ADK: variants seen among roughly 807,000 people sequenced by gnomAD.
ADK encodes the protein N6,N6-dimethyladenosine kinase.
A neutral mutation model predicts 44.7 loss-of-function variants in ADK; 24 were observed. That is an observed-to-expected ratio of 0.54 (90% CI 0.39 to 0.76). ADK has a LOEUF of 0.76. Ranked by LOEUF, ADK falls within the 30% of genes least tolerant of loss-of-function variation. The pLI, the probability that ADK is intolerant of heterozygous loss-of-function variation, is 0.00. For synonymous variants in ADK, 128 were observed against 142.6 expected (o/e 0.90, Z 0.73); for missense variants, 321 against 425.1 (o/e 0.76, Z 2.15).
At chr10:74,403,599 G>A (rs1843794972) in intron 6 of ADK, among the ~76,000 whole-genome samples, 2 of 152,148 alleles carry the variant, frequency 1.3e-5, no homozygotes, top group African/African-American at 4.8e-5. Flanking sequence ...CATTGGAAAA[G>A]CGCAGTATTA....
intron 4 of ADK, among the ~76,000 whole-genome samples, chr10:74,338,347 A>G (rs1355253577): frequency 6.6e-6 from 1 of 152,228 alleles, no homozygotes; most frequent in Non-Finnish European, 1.5e-5. Context: ...CACTCTGGAA[A>G]ACAGTTTGGC....
At chr10:74,396,634 C>T (rs1316425126) in intron 5 of ADK, among the ~76,000 whole-genome samples, 1 of 152,148 alleles carries the variant, frequency 6.6e-6, no homozygotes, top group East Asian at 1.9e-4. Context: ...AAGTCAGAAT[C>T]AAATACGTTG....
intron 6 of ADK, among the ~76,000 whole-genome samples, chr10:74,476,058 C>T (rs1049362036): frequency 2.6e-5 from 4 of 152,150 alleles, no homozygotes; most frequent in Non-Finnish European, 4.4e-5. Context: ...GTATCTCTTA[C>T]TCTAATTCAG....
At chr10:74,544,840 G>A (rs1429406128) in intron 7 of ADK, among the ~76,000 whole-genome samples, 1 of 151,962 alleles carries the variant, frequency 6.6e-6, no homozygotes, top group Non-Finnish European at 1.5e-5. Flanking sequence ...CCAGCCTGGG[G>A]ACAGAGTGAG....
chr10:74,544,240 A>G (rs564945079), intron 7 of ADK, among the ~76,000 whole-genome samples: 4 of 152,330 alleles, frequency 2.6e-5, no homozygotes, highest in Admixed American at 2.6e-4. Context: ...ATTGGTGATC[A>G]CTTTCTGACC....
chr10:74,645,884 A>G (rs1854037496), intron 9 of ADK, among the ~76,000 whole-genome samples: 3 of 152,196 alleles, frequency 2.0e-5, no homozygotes, highest in South Asian at 4.1e-4. Flanking sequence ...TATCATATCA[A>G]TTGAGTCAGT....
chr10:74,688,032 C>G (rs915165188), intron 10 of ADK, among the ~76,000 whole-genome samples: 10 of 152,190 alleles, frequency 6.6e-5, no homozygotes, highest in Admixed American at 1.3e-4. Flanking sequence ...TTAAAAAAAT[C>G]TATATGATCT....
chr10:74,233,836 A>G (rs1211479081), intron 3 of ADK, among the ~76,000 whole-genome samples: 1 of 152,234 alleles, frequency 6.6e-6, no homozygotes, highest in Non-Finnish European at 1.5e-5. Context: ...ACAAAAAAGG[A>G]TAATGATCTT....
Position 74,610,751 on chromosome 10 carries a change from A to G in ADK, c.877+10258A>G, listed in dbSNP as rs185123434. On this transcript the variant is annotated intron_variant, in intron 9 of 10. Coordinates refer to ENST00000539909, the MANE Select transcript of ADK (RefSeq NM_006721.4). ...AAGGAAATCATTTCTGTGTTTATAA[A>G]CTGGAAAAACTAACAGTGTTCTTTA... is the stretch of plus-strand genomic sequence containing the variant. Among the ~76,000 whole-genome samples, 114 of 152,194 alleles carry G rather than the reference A, an allele frequency of 7.5e-4. 2 individuals carry two copies. The highest frequency in any genetic ancestry group is 1.5e-3 in the Non-Finnish European group (100 of 67,998).
At chr10:74,577,637 T>TA (rs1010120478) in intron 7 of ADK, among the ~76,000 whole-genome samples, 6 of 151,058 alleles carry the variant, frequency 4.0e-5, no homozygotes, top group South Asian at 2.1e-4. Context: ...TTTGTTACAT[T>TA]AAAAAAAAAT....
intron 3 of ADK, among the ~76,000 whole-genome samples, chr10:74,232,626 A>T (rs998136805): frequency 2.7e-5 from 4 of 148,784 alleles, no homozygotes; most frequent in African/African-American, 7.4e-5. Flanking sequence ...TAAGGATTTA[A>T]AAAAAAAATT....
At chr10:74,529,319 A>G (rs1041777869) in intron 7 of ADK, 1 of 152,172 alleles carries the variant, frequency 6.6e-6, no homozygotes, top group African/African-American at 2.4e-5. Context: ...AGGCAAATTC[A>G]TAGAGACACA....
At chr10:74,287,581 G>C (rs1333322842) in intron 3 of ADK, among the ~76,000 whole-genome samples, 1 of 152,154 alleles carries the variant, frequency 6.6e-6, no homozygotes, top group African/African-American at 2.4e-5. Flanking sequence ...AATCATGAGA[G>C]AGGGGGATGT....
chr10:74,412,036 A>G (rs1200660307), intron 6 of ADK, among the ~76,000 whole-genome samples: 1 of 152,156 alleles, frequency 6.6e-6, no homozygotes, highest in Non-Finnish European at 1.5e-5. Context: ...TTCACTTCTA[A>G]TACTAGTTCT....
At chr10:74,498,958 C>CA (rs1295206511) in intron 6 of ADK, among the ~76,000 whole-genome samples, 1 of 152,110 alleles carries the variant, frequency 6.6e-6, no homozygotes, top group Non-Finnish European at 1.5e-5. Context: ...ATCACAAGGA[C>CA]AAAAAACTCT....
chr10:74,685,898 T>G (rs1387237011), intron 10 of ADK, among the ~76,000 whole-genome samples: 1 of 152,082 alleles, frequency 6.6e-6, no homozygotes, highest in African/African-American at 2.4e-5. Flanking sequence ...ATTTTTTTTT[T>G]GTAAGGAAGA....
intron 3 of ADK, among the ~76,000 whole-genome samples, chr10:74,238,648 G>C (rs765787410): frequency 1.3e-5 from 2 of 152,024 alleles, no homozygotes; most frequent in Non-Finnish European, 2.9e-5. Context: ...CCTCAGACTT[G>C]AAAGGGAACC....
intron 3 of ADK, among the ~76,000 whole-genome samples, chr10:74,259,406 T>A (rs1845955034): frequency 6.6e-6 from 1 of 151,652 alleles, no homozygotes; most frequent in Non-Finnish European, 1.5e-5. Context: ...AAATTTGCCT[T>A]AGAATTCTTG....
chr10:74,693,812 TA>T (rs1316868317), intron 10 of ADK, among the ~76,000 whole-genome samples: 1 of 152,170 alleles, frequency 6.6e-6, no homozygotes, highest in Non-Finnish European at 1.5e-5. Flanking sequence ...AGGAATCTTC[TA>T]AGAAGAGTGA....
Sources: gnomAD v4.1 joint callset for allele counts (sites outside exome capture counted in the v4.1 genomes callset) on GRCh38, gnomAD v4.1.1 for gene constraint, MANE v1.5 for transcripts, NCBI Gene and HGNC (gene_info 2026-07-23, HGNC 2026-07-21) for gene names.